Variants in PCDH9 observed in about 807,000 individuals in gnomAD.
The protein encoded by PCDH9 is protocadherin-9.
PCDH9 carries 24 observed loss-of-function variants against 70.6 expected under a neutral mutation model. The observed-to-expected ratio is 0.34, with a 90% CI of 0.25 to 0.48. The LOEUF is 0.48. Among genes scored for constraint, PCDH9 ranks in the 20% least tolerant of loss-of-function variants. The probability of loss-of-function intolerance (pLI) is 0.99; values close to 1 mark genes in which losing one functional copy is unlikely to be tolerated. For synonymous variants in PCDH9, 562 were observed against 558.5 expected, an observed-to-expected ratio of 1.01 and a Z score of -0.09; for missense variants, 1,281 against 1,503.6, an observed-to-expected ratio of 0.85 and a Z score of 2.45.
intron 2 of PCDH9, among the ~76,000 whole-genome samples, chr13:67,112,866 G>A (rs897080566): frequency 1.3e-5 from 2 of 152,014 alleles, no homozygotes; most frequent in Non-Finnish European, 2.9e-5. Context: ...CTACAGGTGT[G>A]TGTCACCACA....
intron 4 of PCDH9, among the ~76,000 whole-genome samples, chr13:66,373,483 A>G (rs1433445980): frequency 1.3e-5 from 2 of 152,020 alleles, no homozygotes. Context: ...TAAGGTGGTA[A>G]ATTTTATGTT....
intron 2 of PCDH9, among the ~76,000 whole-genome samples, chr13:66,982,092 C>T (rs946082805): frequency 1.1e-4 from 16 of 152,104 alleles, no homozygotes; most frequent in African/African-American, 3.6e-4. Context: ...AGATCTGCTC[C>T]TTTAAAGGCA....
intron 3 of PCDH9, among the ~76,000 whole-genome samples, chr13:66,783,250 T>C (rs1434050751): frequency 6.6e-6 from 1 of 152,136 alleles, no homozygotes; most frequent in Admixed American, 6.6e-5. Flanking sequence ...GTTCCCAGTG[T>C]TCTCAGCCCA....
chr13:67,040,429 G>C (rs2085089713), intron 2 of PCDH9, among the ~76,000 whole-genome samples: 1 of 152,148 alleles, frequency 6.6e-6, no homozygotes, highest in Admixed American at 6.5e-5. Flanking sequence ...GGGTAACATA[G>C]CAAGACCCAG....
chr13:66,989,974 G>C (rs1167144800), intron 2 of PCDH9, among the ~76,000 whole-genome samples: 4 of 151,772 alleles, frequency 2.6e-5, no homozygotes, highest in African/African-American at 9.7e-5. Context: ...ACATTTCAAA[G>C]ACTGATAACA....
intron 4 of PCDH9, among the ~76,000 whole-genome samples, chr13:66,369,278 T>C (rs1956605794): frequency 6.6e-6 from 1 of 152,146 alleles, no homozygotes; most frequent in African/African-American, 2.4e-5. Context: ...GCTAATTCAC[T>C]TTATTTAGCA....
rs71427637 is a variant in PCDH9, at chr13:67,187,967, A to G, written c.3036+37438T>C. 5.0e-3 allele frequency among the ~76,000 whole-genome samples: 768 copies of G among 152,264 alleles called. 4 individuals are homozygous for G. The highest frequency in any genetic ancestry group is 8.3e-3 in the Non-Finnish European group (563 of 67,992). On this transcript the variant is annotated intron_variant, in intron 2 of 4. Coordinates refer to ENST00000377865, the MANE Select transcript of PCDH9 (RefSeq NM_203487.3). ...AATAAACAATAAATTATTGTTAACT[A>G]TAGTCACCCTGTACTGTAATCATTG...
At chr13:66,427,920 T>C (rs1319133241) in intron 4 of PCDH9, among the ~76,000 whole-genome samples, 2 of 151,768 alleles carry the variant, frequency 1.3e-5, no homozygotes, top group African/African-American at 4.8e-5. Flanking sequence ...TGCTGATAAT[T>C]GTTAAGTAAC....
At chr13:66,701,182 G>A (rs2078642046) in intron 3 of PCDH9, among the ~76,000 whole-genome samples, 1 of 151,492 alleles carries the variant, frequency 6.6e-6, no homozygotes, top group South Asian at 2.1e-4. Context: ...TTTATAGTGA[G>A]CTCTTCTGGA....
intron 3 of PCDH9, among the ~76,000 whole-genome samples, chr13:66,720,318 G>T (rs923997326): frequency 8.0e-5 from 7 of 88,048 alleles, no homozygotes; most frequent in African/African-American, 1.3e-4. Flanking sequence ...GCTAATTTTT[G>T]CTTTTTTGTT....
At chr13:66,957,900 A>G (rs1056473959) in intron 2 of PCDH9, among the ~76,000 whole-genome samples, 1 of 152,212 alleles carries the variant, frequency 6.6e-6, no homozygotes, top group Admixed American at 6.5e-5. Context: ...TACAAACGTA[A>G]AATACAAAGG....
intron 4 of PCDH9, among the ~76,000 whole-genome samples, chr13:66,628,481 T>A (rs1009501873): frequency 2.6e-5 from 4 of 152,228 alleles, no homozygotes; most frequent in Admixed American, 6.5e-5. Flanking sequence ...CAAATTTTTA[T>A]TGTAATACAT....
chr13:66,620,695 C>CTT (rs956350941), intron 4 of PCDH9, among the ~76,000 whole-genome samples: 2 of 147,248 alleles, frequency 1.4e-5, no homozygotes, highest in African/African-American at 5.0e-5. Flanking sequence ...ATCAGTGTTC[C>CTT]TTTTTTTTTT....
In PCDH9 at chr13:66,944,024, C is replaced by G. The variant is rs141396511; in HGVS notation, c.3037-40419G>C. 7.9e-3 allele frequency among the ~76,000 whole-genome samples: 1,188 copies of G among 150,166 alleles called. 19 individuals carry two copies. The highest frequency in any genetic ancestry group is 0.015 in the South Asian group (71 of 4,738). On this transcript the variant is annotated intron_variant, in intron 2 of 4. Coordinates refer to ENST00000377865, the MANE Select transcript of PCDH9 (RefSeq NM_203487.3). ...TAATGTTTATATGTCTATAACTTAA[C>G]ACTATTGTGAGAATCAAATGAAATA... is the stretch of plus-strand genomic sequence containing the variant.
At chr13:66,745,666 A>G (rs752981364) in intron 3 of PCDH9, among the ~76,000 whole-genome samples, 2 of 152,202 alleles carry the variant, frequency 1.3e-5, no homozygotes, top group East Asian at 1.9e-4. Context: ...TGTCTAGAGC[A>G]TGCTCATCTT....
chr13:66,631,814 C>T (rs1328655042), intron 3 of PCDH9, among the ~76,000 whole-genome samples: 2 of 152,086 alleles, frequency 1.3e-5, no homozygotes, highest in African/African-American at 4.8e-5. Flanking sequence ...TTTTGAATGA[C>T]CAGACATTGT....
At chr13:66,775,367 TACAA>T (rs1392298624) in intron 3 of PCDH9, among the ~76,000 whole-genome samples, 1 of 152,158 alleles carries the variant, frequency 6.6e-6, no homozygotes, top group African/African-American at 2.4e-5. Flanking sequence ...GACGAGCAGG[TACAA>T]ACAGAGACTG....
intron 3 of PCDH9, among the ~76,000 whole-genome samples, chr13:66,704,322 G>A (rs1240073242): frequency 6.6e-6 from 1 of 152,156 alleles, no homozygotes; most frequent in Non-Finnish European, 1.5e-5. Context: ...AGAAACTGAT[G>A]TGATATATGT....
intron 4 of PCDH9, among the ~76,000 whole-genome samples, chr13:66,613,091 C>G (rs2077312736): frequency 2.0e-5 from 3 of 152,096 alleles, no homozygotes; most frequent in Admixed American, 2.0e-4. Context: ...CCCAGTCGCT[C>G]CTGGGCCTTT....
Sources: allele counts gnomAD v4.1 joint callset (sites outside exome capture counted in the v4.1 genomes callset), GRCh38; gene constraint gnomAD v4.1.1; transcripts MANE v1.5; gene names NCBI Gene and HGNC (gene_info 2026-07-23, HGNC 2026-07-21).